ANK2: variants seen among roughly 807,000 people sequenced by gnomAD.
The protein encoded by ANK2 is ankyrin 2.
A neutral mutation model predicts 360.5 loss-of-function variants in ANK2; 83 were observed. That is an observed-to-expected ratio of 0.23 (90% CI 0.19 to 0.28). The LOEUF is 0.28. ANK2 is among the 10% of genes least tolerant of loss of function. The pLI, the probability that ANK2 is intolerant of heterozygous loss-of-function variation, is 1.00. For missense variants in ANK2, 4,201 were observed against 4,795.7 expected, an observed-to-expected ratio of 0.88 and a Z score of 3.66; for synonymous variants, 1,740 against 1,759.5, an observed-to-expected ratio of 0.99 and a Z score of 0.28.
At chr4:112,729,289 GA>G in the ANK2 span, among the ~76,000 whole-genome samples, 4 of 149,150 alleles carry the variant, frequency 2.7e-5, no homozygotes, top group Middle Eastern at 3.4e-3. Context: ...GAAGTTTTCT[GA>G]AAAAAAAATA....
intron 2 of ANK2, among the ~76,000 whole-genome samples, chr4:113,006,489 C>T (rs1038968007): frequency 2.0e-5 from 3 of 152,152 alleles, no homozygotes; most frequent in African/African-American, 7.2e-5. Flanking sequence ...ATTTATCCTT[C>T]AGATTAGCAA....
At chr4:113,172,176 G>A (rs2097991632) in intron 1 of ANK2, among the ~76,000 whole-genome samples, 1 of 152,164 alleles carries the variant, frequency 6.6e-6, no homozygotes, top group African/African-American at 2.4e-5. Flanking sequence ...ATAGAGGGGT[G>A]ATAGTTGTGA....
intron 1 of ANK2, among the ~76,000 whole-genome samples, chr4:113,076,346 T>C (rs959617135): frequency 3.3e-5 from 5 of 152,238 alleles, no homozygotes; most frequent in African/African-American, 1.2e-4. Flanking sequence ...TTCTTAGGAA[T>C]TTACTATTTT....
intron 1 of ANK2, among the ~76,000 whole-genome samples, chr4:112,884,370 T>C (rs2077661707): frequency 6.6e-6 from 1 of 152,230 alleles, no homozygotes; most frequent in African/African-American, 2.4e-5. Flanking sequence ...ACTGTGCTCT[T>C]GTAGCTAAAG....
intron 1 of ANK2, among the ~76,000 whole-genome samples, chr4:112,825,584 A>G (rs1432714588): frequency 1.3e-5 from 2 of 152,204 alleles, no homozygotes; most frequent in African/African-American, 2.4e-5. Flanking sequence ...GTTGTAGGGG[A>G]GGAAAGATTT....
intron 1 of ANK2, among the ~76,000 whole-genome samples, chr4:112,876,698 C>G (rs1463854499): frequency 6.6e-6 from 1 of 152,154 alleles, no homozygotes; most frequent in Non-Finnish European, 1.5e-5. Context: ...AGGCCTGTTA[C>G]CTGGTAAGGG....
intron 1 of ANK2, among the ~76,000 whole-genome samples, chr4:113,050,647 T>C (rs541535200): frequency 3.6e-4 from 55 of 152,328 alleles, no homozygotes; most frequent in African/African-American, 1.0e-3. Flanking sequence ...CTGAAAGAGA[T>C]GCTCTATAAA....
intron 13 of ANK2, among the ~76,000 whole-genome samples, chr4:113,262,415 A>G (rs2053465230): frequency 6.6e-6 from 1 of 152,038 alleles, no homozygotes; most frequent in African/African-American, 2.4e-5. Context: ...ATTTATTTAG[A>G]GAAGAGATCT....
At chr4:112,706,213 G>C in the ANK2 span, among the ~76,000 whole-genome samples, 5 of 152,066 alleles carry the variant, frequency 3.3e-5, no homozygotes, top group Admixed American at 3.3e-4. Context: ...CCGCGGATTC[G>C]TCAGGTGGGT....
chr4:112,910,957 CTTTT>C (rs1163828806), intron 2 of ANK2, among the ~76,000 whole-genome samples: 1 of 125,170 alleles, frequency 8.0e-6, no homozygotes, highest in African/African-American at 3.0e-5. Context: ...TATTATTTGC[CTTTT>C]TTTTTTTTTT....
intron 2 of ANK2, among the ~76,000 whole-genome samples, chr4:113,038,736 T>G (rs1450958737): frequency 6.6e-6 from 1 of 152,012 alleles, no homozygotes; most frequent in Non-Finnish European, 1.5e-5. Flanking sequence ...GGAAGCCAAC[T>G]GTAATAAAAG....
intron 26 of ANK2, among the ~76,000 whole-genome samples, chr4:113,328,319 G>A (rs2091091270): frequency 6.6e-6 from 1 of 151,564 alleles, no homozygotes; most frequent in South Asian, 2.1e-4. Context: ...ATATTGCAAT[G>A]AATTTGGAAG....
chr4:112,840,081 A>G (rs1182484555), intron 1 of ANK2, among the ~76,000 whole-genome samples: 1 of 152,242 alleles, frequency 6.6e-6, no homozygotes, highest in Non-Finnish European at 1.5e-5. Flanking sequence ...AAAGATGTAT[A>G]GGACATGGTC....
chr4:112,714,936 A>G, the ANK2 span, among the ~76,000 whole-genome samples: 1 of 152,214 alleles, frequency 6.6e-6, no homozygotes, highest in Non-Finnish European at 1.5e-5. Context: ...TCAATTATCA[A>G]TTGCTACATA....
intron 2 of ANK2, among the ~76,000 whole-genome samples, chr4:112,958,342 G>T (rs1288257112): frequency 1.3e-5 from 2 of 152,206 alleles, no homozygotes; most frequent in Admixed American, 6.5e-5. Flanking sequence ...CTGCAATCCC[G>T]GCACCTCGGG....
At chr4:113,040,634 T>C (rs1212444139) in intron 2 of ANK2, among the ~76,000 whole-genome samples, 21 of 152,108 alleles carry the variant, frequency 1.4e-4, no homozygotes. Flanking sequence ...TTTAGTGGAC[T>C]CATTTCTCTC....
intron 2 of ANK2, among the ~76,000 whole-genome samples, chr4:113,039,167 T>A (rs1358789670): frequency 1.3e-5 from 2 of 152,094 alleles, no homozygotes; most frequent in Non-Finnish European, 2.9e-5. Flanking sequence ...TGGTCAGTCA[T>A]TAATTATTAA....
intron 2 of ANK2, among the ~76,000 whole-genome samples, chr4:112,942,067 C>T (rs532583437): frequency 2.6e-5 from 4 of 151,750 alleles, no homozygotes; most frequent in Non-Finnish European, 5.9e-5. Flanking sequence ...TCCTTATTTT[C>T]CTAATTTTCT....
At chr4:113,142,151 G>T (rs2096654839) in intron 1 of ANK2, among the ~76,000 whole-genome samples, 1 of 152,170 alleles carries the variant, frequency 6.6e-6, no homozygotes, top group African/African-American at 2.4e-5. Context: ...TGTCCACAGA[G>T]ATCCCGACTG....
Sources: gnomAD v4.1 joint callset for allele counts (sites outside exome capture counted in the v4.1 genomes callset) on GRCh38, gnomAD v4.1.1 for gene constraint, MANE v1.5 for transcripts, NCBI Gene and HGNC (gene_info 2026-07-23, HGNC 2026-07-21) for gene names.